Variants in HS2ST1 observed in about 807,000 individuals in gnomAD.
The protein encoded by HS2ST1 is 2-O-sulfotransferase.
HS2ST1 carries 18 observed loss-of-function variants against 42.9 expected under a neutral mutation model. That is an observed-to-expected ratio of 0.42 (90% CI 0.29 to 0.62). The LOEUF is 0.62. Ranked by LOEUF, HS2ST1 falls within the 20% of genes least tolerant of loss-of-function variation. The pLI is 0.21. For missense variants in HS2ST1, 334 were observed against 433.8 expected (o/e 0.77, Z 2.04); for synonymous variants, 146 against 152.9 (o/e 0.95, Z 0.33).
intron 5 of HS2ST1, among the ~76,000 whole-genome samples, chr1:87,098,814 CT>C (rs1308071315): frequency 2.0e-5 from 3 of 152,158 alleles, no homozygotes; most frequent in African/African-American, 7.2e-5. Context: ...CAGAATCTCA[CT>C]CTATCACACA....
At chr1:87,090,450 G>C (rs940119782) in intron 3 of HS2ST1, among the ~76,000 whole-genome samples, 14 of 151,944 alleles carry the variant, frequency 9.2e-5, no homozygotes, top group African/African-American at 3.4e-4. Context: ...AATGCTGTTG[G>C]GGAGAAAGAC....
rs561292667 is a variant in HS2ST1, at chr1:87,105,282, G to T, written c.*586G>T. On this transcript the variant is annotated 3_prime_UTR_variant, in exon 7 of 7. Transcript: ENST00000370550. ...GTTTTAATTTTTTAAATGGTGATTA[G>T]TGTTAAAAATCAATTTAAATCATGA... The T allele has an allele frequency of 1.3e-5, 2 of 152,650 alleles. No individual in the cohort carries two copies. The highest frequency in any genetic ancestry group is 3.9e-4 in the East Asian group (2 of 5,192). 9.5% of individuals were successfully genotyped at this position (152,650 alleles called of 1,614,324 possible).
At position 87,084,209 on chromosome 1, in the gene HS2ST1, A is replaced by G. The variant is rs917592470; in HGVS notation, c.379A>G (p.Asn127Asp). ...SLQDQVRFVK[N>D]ITSWKEMKPG... is the part of the protein sequence containing the mutation. ...CCCTTTTTAGGTGCGCTTTGTAAAGAATATAACTTCCTGGAAAGAGATGAA... is the reference window on the plus strand; with the variant it reads ...CCCTTTTTAGGTGCGCTTTGTAAAGGATATAACTTCCTGGAAAGAGATGAA... Residue 127 changes from asparagine to aspartate, a missense_variant, in exon 3 of 7, where the codon AAT becomes GAT. Asn to Asp is a conservative substitution (Grantham distance 23, BLOSUM62 1). Coordinates refer to ENST00000370550, the MANE Select transcript of HS2ST1 (RefSeq NM_012262.4). The G allele has an allele frequency of 6.2e-7, 1 of 1,601,348 alleles. No homozygotes were observed. Among genetic ancestry groups the G allele is most frequent in the African/African-American group, 1.3e-5 (1 of 74,450 alleles).
chr1:86,950,346 A>G (rs568585238), intron 1 of HS2ST1, among the ~76,000 whole-genome samples: 2 of 151,892 alleles, frequency 1.3e-5, no homozygotes, highest in African/African-American at 2.4e-5. Context: ...CTAGATAGAT[A>G]CATGGGTAGA....
chr1:87,003,852 T>C (rs1252818096), intron 1 of HS2ST1, among the ~76,000 whole-genome samples: 2 of 152,220 alleles, frequency 1.3e-5, no homozygotes, highest in African/African-American at 2.4e-5. Flanking sequence ...GCAGATATTA[T>C]ACAATTTAAT....
At chr1:86,943,225 A>G (rs1360253687) in intron 1 of HS2ST1, among the ~76,000 whole-genome samples, 3 of 152,216 alleles carry the variant, frequency 2.0e-5, no homozygotes, top group African/African-American at 7.2e-5. Context: ...TTAGTATTAC[A>G]AATAAATCAT....
At chr1:87,097,334 T>G (rs1482424105) in intron 4 of HS2ST1, among the ~76,000 whole-genome samples, 1 of 152,220 alleles carries the variant, frequency 6.6e-6, no homozygotes, top group African/African-American at 2.4e-5. Context: ...ATCCTAAGAT[T>G]CTAAACCAGA....
At chr1:87,027,950 G>A (rs568539329) in intron 1 of HS2ST1, among the ~76,000 whole-genome samples, 19 of 152,234 alleles carry the variant, frequency 1.2e-4, no homozygotes, top group African/African-American at 3.9e-4. Flanking sequence ...TCGGCCTCCC[G>A]AAGTGCTGGG....
rs1163586076 is a variant in HS2ST1, at chr1:86,993,073, T to C, written c.124+77913T>C. 3.8e-6 allele frequency: 6 copies of C among 1,592,902 alleles called. 1 individual carries two copies. In the South Asian group the frequency reaches 5.7e-5, roughly 15 times the overall value. ...GCATCAGGGGAAGGTCACCAAGTCTTTCCTGTACATGCTGTTTATCAAATT... is the reference window on the plus strand; with the variant it reads ...GCATCAGGGGAAGGTCACCAAGTCTCTCCTGTACATGCTGTTTATCAAATT... On this transcript the variant is annotated intron_variant, in intron 1 of 6. Coordinates refer to ENST00000370550, the MANE Select transcript of HS2ST1 (RefSeq NM_012262.4).
chr1:87,071,257 T>C (rs573208569), intron 1 of HS2ST1, among the ~76,000 whole-genome samples: 2 of 152,312 alleles, frequency 1.3e-5, no homozygotes, highest in East Asian at 3.9e-4. Flanking sequence ...AAATCAAAGA[T>C]GCATGCTCTG....
At chr1:86,993,509 A>G (rs1244382079) in intron 1 of HS2ST1, among the ~76,000 whole-genome samples, 2 of 152,206 alleles carry the variant, frequency 1.3e-5, no homozygotes, top group Non-Finnish European at 2.9e-5. Context: ...TATCAGTAAG[A>G]TACATGTTTA....
intron 5 of HS2ST1, among the ~76,000 whole-genome samples, chr1:87,099,623 A>G (rs766164664): frequency 3.3e-5 from 5 of 152,210 alleles, no homozygotes; most frequent in Non-Finnish European, 7.3e-5. Context: ...CTGGCTCACC[A>G]AATCTCATGT....
intron 1 of HS2ST1, among the ~76,000 whole-genome samples, chr1:86,938,504 A>G (rs1660698778): frequency 6.6e-6 from 1 of 151,894 alleles, no homozygotes; most frequent in Admixed American, 6.6e-5. Flanking sequence ...ATCTCTTTTG[A>G]CAGCCTTTTT....
At chr1:87,045,309 T>C in intron 1 of HS2ST1, 1 of 1,175,048 alleles carries the variant, frequency 8.5e-7, no homozygotes, top group Non-Finnish European at 1.3e-6. Context: ...TGAAGCCAGC[T>C]GCAATTTCTC....
chr1:86,940,366 C>G (rs1660734880), intron 1 of HS2ST1, among the ~76,000 whole-genome samples: 1 of 151,708 alleles, frequency 6.6e-6, no homozygotes, highest in African/African-American at 2.4e-5. Context: ...AGAGCAAGTC[C>G]CTATTAAAAA....
intron 1 of HS2ST1, among the ~76,000 whole-genome samples, chr1:87,066,209 A>G (rs1200020076): frequency 3.3e-5 from 5 of 152,252 alleles, no homozygotes; most frequent in Non-Finnish European, 7.3e-5. Flanking sequence ...TTACCTTTTA[A>G]AAGAATTGAG....
intron 1 of HS2ST1, among the ~76,000 whole-genome samples, chr1:87,059,983 C>T (rs1429945847): frequency 6.6e-6 from 1 of 152,054 alleles, no homozygotes; most frequent in Non-Finnish European, 1.5e-5. Flanking sequence ...ATATAGTAAC[C>T]CATAAATAAG....
At chr1:86,974,902 G>T (rs186310488) in intron 1 of HS2ST1, among the ~76,000 whole-genome samples, 1 of 152,136 alleles carries the variant, frequency 6.6e-6, no homozygotes, top group East Asian at 1.9e-4. Context: ...ATCTCTTTTG[G>T]TCTCTTTAGA....
Position 86,981,428 on chromosome 1 carries a change from C to G in HS2ST1, c.124+66268C>G, listed in dbSNP as rs571944052. On this transcript the variant is annotated intron_variant, in intron 1 of 6. Coordinates refer to ENST00000370550, the MANE Select transcript of HS2ST1 (RefSeq NM_012262.4). Reference sequence around the variant, plus strand: ...CAAAAGTCCAAGTCCAAAGTCTCATCTGACACAAGACAAGTCCCTTCTACC... The same window carrying G: ...CAAAAGTCCAAGTCCAAAGTCTCATGTGACACAAGACAAGTCCCTTCTACC... Among the ~76,000 whole-genome samples the G allele has an allele frequency of 2.0e-5, 3 of 152,310 alleles. No homozygotes were observed. In the East Asian group the frequency reaches 5.8e-4, roughly 29 times the overall value.
Sources: allele counts gnomAD v4.1 joint callset (sites outside exome capture counted in the v4.1 genomes callset), GRCh38; gene constraint gnomAD v4.1.1; transcripts MANE v1.5; gene names NCBI Gene and HGNC (gene_info 2026-07-23, HGNC 2026-07-21).